PCDH15: variants seen among roughly 807,000 people sequenced by gnomAD.
PCDH15 encodes the protein protocadherin-15.
PCDH15 carries 129 observed loss-of-function variants against 178.5 expected under a neutral mutation model. That is an observed-to-expected ratio of 0.72 (90% CI 0.63 to 0.84). The LOEUF is 0.84. Among genes scored for constraint, PCDH15 ranks in the 40% least tolerant of loss-of-function variants. The probability of loss-of-function intolerance (pLI) is 0.00; values close to 1 mark genes in which losing one functional copy is unlikely to be tolerated. For synonymous variants in PCDH15, 800 were observed against 732.0 expected (o/e 1.09, Z -1.50); for missense variants, 2,230 against 2,099.9 (o/e 1.06, Z -1.21).
At chr10:55,112,456 T>C (rs776517541) in intron 2 of PCDH15, among the ~76,000 whole-genome samples, 5 of 151,770 alleles carry the variant, frequency 3.3e-5, no homozygotes, top group Non-Finnish European at 7.4e-5. Flanking sequence ...CAAAAGGAAT[T>C]AAAAGTTGAA....
chr10:54,630,134 A>G (rs1458898855), intron 2 of PCDH15, among the ~76,000 whole-genome samples: 2 of 151,998 alleles, frequency 1.3e-5, no homozygotes, highest in Non-Finnish European at 2.9e-5. Flanking sequence ...GGATCTACCG[A>G]CTACGTTTTT....
intron 3 of PCDH15, among the ~76,000 whole-genome samples, chr10:54,813,682 C>T (rs2133732160): frequency 6.6e-6 from 1 of 152,320 alleles, no homozygotes; most frequent in South Asian, 2.1e-4. Flanking sequence ...TTCAAGACTA[C>T]AGCAATCGTC....
intron 2 of PCDH15, among the ~76,000 whole-genome samples, chr10:54,926,927 AT>A (rs58590216): frequency 6.6e-5 from 10 of 151,684 alleles, no homozygotes; most frequent in African/African-American, 2.2e-4. Context: ...ATTTTTTAAA[AT>A]TTTTTTTTAA....
At chr10:54,500,475 A>C (rs2137397634) in intron 3 of PCDH15, among the ~76,000 whole-genome samples, 1 of 152,250 alleles carries the variant, frequency 6.6e-6, no homozygotes, top group East Asian at 1.9e-4. Flanking sequence ...AAAACATATT[A>C]ACCCCCAAAT....
chr10:54,192,633 T>A (rs930709806), intron 11 of PCDH15, among the ~76,000 whole-genome samples: 1 of 152,094 alleles, frequency 6.6e-6, no homozygotes, highest in African/African-American at 2.4e-5. Flanking sequence ...CTTATTTATA[T>A]TTTATATATA....
chr10:54,480,727 T>G (rs1378844933), intron 3 of PCDH15, among the ~76,000 whole-genome samples: 1 of 152,004 alleles, frequency 6.6e-6, no homozygotes, highest in East Asian at 1.9e-4. Context: ...TATTAGTAGC[T>G]ACAAATTTCT....
chr10:54,610,139 C>T (rs1016935613), intron 2 of PCDH15, among the ~76,000 whole-genome samples: 5 of 151,816 alleles, frequency 3.3e-5, no homozygotes, highest in Non-Finnish European at 7.4e-5. Flanking sequence ...TGAGCTCATA[C>T]TCTTGGAAGG....
Position 54,852,806 on chromosome 10 carries a change from T to C in PCDH15, c.-29+44644A>G, listed in dbSNP as rs1591742539. On this transcript the variant is annotated intron_variant, in intron 3 of 5. Coordinates refer to the PCDH15 transcript ENST00000458638. ...CAACAGAGGTTGCAGTGAGCTGAGA[T>C]CACGCCACTGCACTCCAGCCTGGGC... 2.0e-5 allele frequency among the ~76,000 whole-genome samples: 3 copies of C among 150,942 alleles called. No homozygotes were observed. In the East Asian group the frequency reaches 5.9e-4, roughly 30 times the overall value.
chr10:54,191,924 A>C (rs2049037662), intron 11 of PCDH15, among the ~76,000 whole-genome samples: 1 of 150,176 alleles, frequency 6.7e-6, no homozygotes. Flanking sequence ...CTCTCAAAAG[A>C]AAGAAAAGCA....
intron 2 of PCDH15, among the ~76,000 whole-genome samples, chr10:55,350,986 CT>C (rs1230990948): frequency 7.6e-6 from 1 of 132,192 alleles, no homozygotes; most frequent in African/African-American, 3.1e-5. Flanking sequence ...CTTCCTCTTC[CT>C]CCTCCCCCTG....
intron 2 of PCDH15, chr10:55,513,183 T>A (rs1489224353): frequency 6.6e-6 from 1 of 152,144 alleles, no homozygotes; most frequent in African/African-American, 2.4e-5. Context: ...AGAAATATTG[T>A]AAGAAACAGA....
intron 2 of PCDH15, among the ~76,000 whole-genome samples, chr10:55,089,112 C>T (rs1434909154): frequency 6.6e-6 from 1 of 152,192 alleles, no homozygotes; most frequent in East Asian, 1.9e-4. Flanking sequence ...ACTAAAATTT[C>T]TATTTCCTTC....
chr10:54,300,767 C>T (rs547948647), intron 8 of PCDH15, among the ~76,000 whole-genome samples: 62 of 152,218 alleles, frequency 4.1e-4, no homozygotes, highest in Non-Finnish European at 4.0e-4. Context: ...AAAATCGCAC[C>T]AATCAGCACT....
chr10:54,531,509 G>A (rs2083924449), intron 2 of PCDH15, among the ~76,000 whole-genome samples: 1 of 152,088 alleles, frequency 6.6e-6, no homozygotes, highest in African/African-American at 2.4e-5. Context: ...AATTTTAAGA[G>A]CATGTTACAG....
intron 3 of PCDH15, among the ~76,000 whole-genome samples, chr10:54,444,939 C>T (rs1408087772): frequency 6.6e-6 from 1 of 151,554 alleles, no homozygotes; most frequent in African/African-American, 2.4e-5. Flanking sequence ...TTTTATATGG[C>T]CACAGAAATC....
chr10:54,675,606 TC>T (rs1372111773), intron 1 of PCDH15, among the ~76,000 whole-genome samples: 2 of 152,140 alleles, frequency 1.3e-5, no homozygotes, highest in Non-Finnish European at 2.9e-5. Context: ...AATTTGTTCC[TC>T]ATGTAAGACT....
chr10:53,893,241 T>C (rs765296531), intron 26 of PCDH15, among the ~76,000 whole-genome samples: 1 of 152,204 alleles, frequency 6.6e-6, no homozygotes, highest in Non-Finnish European at 1.5e-5. Flanking sequence ...AAAACTATGA[T>C]ACATGGATAA....
chr10:54,806,514 TGC>T (rs1952780240), intron 3 of PCDH15, among the ~76,000 whole-genome samples: 1 of 151,614 alleles, frequency 6.6e-6, no homozygotes, highest in African/African-American at 2.4e-5. Context: ...GACGGAGTCT[TGC>T]TCTGTCACCC....
At chr10:55,295,818 C>T (rs1588888432) in intron 1 of PCDH15, among the ~76,000 whole-genome samples, 1 of 152,232 alleles carries the variant, frequency 6.6e-6, no homozygotes, top group Admixed American at 6.5e-5. Context: ...AAATTCATGT[C>T]TGACACTAAT....
Sources: gnomAD v4.1 joint callset for allele counts (sites outside exome capture counted in the v4.1 genomes callset) on GRCh38, gnomAD v4.1.1 for gene constraint, MANE v1.5 for transcripts, NCBI Gene and HGNC (gene_info 2026-07-23, HGNC 2026-07-21) for gene names.